The following ADAMTS17 variants were observed in gnomAD, a reference collection of about 807,000 sequenced individuals.
The protein encoded by ADAMTS17 is A disintegrin and metalloproteinase with thrombospondin motifs 17.
A neutral mutation model predicts 141.5 loss-of-function variants in ADAMTS17; 113 were observed. That is an observed-to-expected ratio of 0.80 (90% confidence interval 0.69 to 0.93). The LOEUF (loss-of-function observed/expected upper bound fraction) is 0.93, where lower values mean the gene tolerates loss of function less well. Among genes scored for constraint, ADAMTS17 ranks in the 40% least tolerant of loss-of-function variants. The pLI, the probability that ADAMTS17 is intolerant of heterozygous loss-of-function variation, is 0.00. For missense variants in ADAMTS17, 1,659 were observed against 1,517.9 expected (o/e 1.09, Z -1.54); for synonymous variants, 768 against 630.6 (o/e 1.22, Z -3.27).
chr15:100,158,327 T>G (rs2039531352), intron 8 of ADAMTS17, among the ~76,000 whole-genome samples: 1 of 152,214 alleles, frequency 6.6e-6, no homozygotes, highest in Non-Finnish European at 1.5e-5. Flanking sequence ...AAAAAAATCC[T>G]GTTACAAATA....
At chr15:100,297,664 T>C (rs2044871732) in intron 3 of ADAMTS17, among the ~76,000 whole-genome samples, 1 of 152,114 alleles carries the variant, frequency 6.6e-6, no homozygotes, top group South Asian at 2.1e-4. Flanking sequence ...TCTGGCCTAA[T>C]TGAGTTTCAG....
intron 10 of ADAMTS17, among the ~76,000 whole-genome samples, chr15:100,142,436 G>A (rs920603334): frequency 6.6e-6 from 1 of 152,214 alleles, no homozygotes; most frequent in South Asian, 2.1e-4. Context: ...ACAGGCCCAT[G>A]TGATCTCAGC....
intron 20 of ADAMTS17, among the ~76,000 whole-genome samples, chr15:99,988,053 C>A (rs759196872): frequency 1.1e-4 from 16 of 152,216 alleles, no homozygotes; most frequent in Middle Eastern, 3.4e-3. Flanking sequence ...CAGGCTCAGG[C>A]TCTGGCTGGG....
intron 18 of ADAMTS17, among the ~76,000 whole-genome samples, chr15:100,009,781 T>TA (rs1255920697): frequency 5.3e-5 from 8 of 152,210 alleles, no homozygotes; most frequent in Admixed American, 3.9e-4. Flanking sequence ...ACATTCATCT[T>TA]AATTTTTTTT....
chr15:100,168,731 T>C (rs932104411), intron 8 of ADAMTS17: 7 of 152,194 alleles, frequency 4.6e-5, no homozygotes, highest in African/African-American at 1.4e-4. Context: ...CATCAGAAGG[T>C]CAAGGCAAAT....
intron 15 of ADAMTS17, among the ~76,000 whole-genome samples, chr15:100,066,410 G>A (rs142039249): frequency 1.6e-4 from 24 of 151,654 alleles, no homozygotes; most frequent in African/African-American, 5.8e-4. Flanking sequence ...TTTCATACAT[G>A]TGGTGTTTGC....
intron 3 of ADAMTS17, among the ~76,000 whole-genome samples, chr15:100,296,129 G>A (rs1007940364): frequency 2.6e-5 from 4 of 152,092 alleles, no homozygotes; most frequent in African/African-American, 7.2e-5. Context: ...AAACGTACTC[G>A]AGAAGGAAAC....
chr15:100,154,409 C>T (rs755764326), intron 9 of ADAMTS17, among the ~76,000 whole-genome samples: 4 of 152,180 alleles, frequency 2.6e-5, no homozygotes, highest in Non-Finnish European at 4.4e-5. Context: ...GCACCTTTGC[C>T]ACTACATCCT....
chr15:100,195,598 C>T (rs1209607502), intron 8 of ADAMTS17, among the ~76,000 whole-genome samples: 4 of 146,158 alleles, frequency 2.7e-5, no homozygotes, highest in African/African-American at 1.0e-4. Flanking sequence ...AAATGACTGG[C>T]CCATTGTTTG....
chr15:99,976,152 T>A lies in ADAMTS17; in HGVS notation c.3020A>T (p.His1007Leu), dbSNP rs1375656495. ...CGAGAGGGCGGGGCACTCGCTGCCG[T>A]GGCGCCCTGTGACCTTGTGCATGCA... ...VQCMHKVTGR[H>L]GSECPALSKP... The change falls in exon 21 of 22, where the codon CAC becomes CTC. Residue 1007 changes from histidine to leucine, a missense_variant. His to Leu is a moderately conservative substitution (Grantham distance 99). Coordinates refer to ENST00000268070, the MANE Select transcript of ADAMTS17 (RefSeq NM_139057.4). The A allele has an allele frequency of 9.7e-6, 15 of 1,550,646 alleles. No individual in the cohort carries two copies. The highest frequency in any genetic ancestry group is 1.3e-5 in the Non-Finnish European group (15 of 1,146,982).
chr15:100,069,419 G>A (rs1240158277), intron 15 of ADAMTS17, among the ~76,000 whole-genome samples: 3 of 152,134 alleles, frequency 2.0e-5, no homozygotes, highest in African/African-American at 7.2e-5. Context: ...CTTGAGAAGA[G>A]TAACTCCAAG....
intron 13 of ADAMTS17, among the ~76,000 whole-genome samples, chr15:100,112,825 C>T (rs2036870834): frequency 6.6e-6 from 1 of 152,058 alleles, no homozygotes; most frequent in Non-Finnish European, 1.5e-5. Flanking sequence ...TGGTCACAGG[C>T]AGGGCAGGGA....
Position 100,118,403 on chromosome 15 carries a change from A to G in ADAMTS17, c.1722-1390T>C, listed in dbSNP as rs117064836. Among the ~76,000 whole-genome samples, 678 of 152,328 alleles carry G rather than the reference A, an allele frequency of 4.5e-3. 15 individuals carry two copies. In the East Asian group the frequency reaches 0.065, roughly 15 times the overall value. On this transcript the variant is annotated intron_variant, in intron 12 of 21. Transcript: ENST00000268070. ...TCTGTCTACCTCATATACACTAGAA[A>G]ACAGTTCCCTCCCCCAGGAGAAGAA...
chr15:100,072,220 A>G lies in ADAMTS17; in HGVS notation c.2138-18166T>C, dbSNP rs1452456774. On this transcript the variant is annotated intron_variant, in intron 15 of 21. Coordinates refer to ENST00000268070, the MANE Select transcript of ADAMTS17 (RefSeq NM_139057.4). ...ACAAGGGATGTGAAGGACCTCTTCA[A>G]GGAGAACTACAAACCACTGCTCAAT... is the stretch of plus-strand genomic sequence containing the variant. Among the ~76,000 whole-genome samples the G allele has an allele frequency of 1.9e-4, 28 of 148,598 alleles. 1 individual carries two copies. Among genetic ancestry groups the G allele is most frequent in the Admixed American group, 8.8e-4 (13 of 14,824 alleles).
chr15:100,110,985 G>C (rs2036741699), intron 13 of ADAMTS17, among the ~76,000 whole-genome samples: 6 of 152,200 alleles, frequency 3.9e-5, no homozygotes, highest in Admixed American at 3.3e-4. Flanking sequence ...AGGAAATCTT[G>C]TCTTACAGCG....
At position 99,974,249 on chromosome 15, in the gene ADAMTS17, G is replaced by C; in HGVS notation, c.*153C>G. 2.2e-6 allele frequency: 2 copies of C among 909,712 alleles called. No homozygotes were observed. The highest frequency in any genetic ancestry group is 2.0e-5 in the Admixed American group (1 of 50,242). The allele number at this position is 909,712 out of a possible 1,614,324, so 56.4% of individuals were successfully genotyped here. ...TGTTAACAATATATTAAGTACGGAA[G>C]CACTAATGGCAAACGCCAAGTCCAC... is the stretch of plus-strand genomic sequence containing the variant. On this transcript the variant is annotated 3_prime_UTR_variant, in exon 22 of 22. Transcript: ENST00000268070.
chr15:100,336,713 G>A (rs1396598879), intron 2 of ADAMTS17, among the ~76,000 whole-genome samples: 1 of 152,170 alleles, frequency 6.6e-6, no homozygotes, highest in African/African-American at 2.4e-5. Context: ...TCTCCATCGA[G>A]TAGGCTGCAT....
At chr15:100,161,290 A>C (rs2039682626) in intron 8 of ADAMTS17, among the ~76,000 whole-genome samples, 1 of 151,998 alleles carries the variant, frequency 6.6e-6, no homozygotes, top group Non-Finnish European at 1.5e-5. Context: ...AACCTCTGCC[A>C]CTCTGGAAGC....
chr15:100,296,605 A>G (rs201134485), intron 3 of ADAMTS17, among the ~76,000 whole-genome samples: 506 of 139,984 alleles, frequency 3.6e-3, no homozygotes, highest in African/African-American at 0.012. Context: ...GTGTGTGTGT[A>G]TGTGTGTGTG....
Sources: allele counts gnomAD v4.1 joint callset (sites outside exome capture counted in the v4.1 genomes callset), GRCh38; gene constraint gnomAD v4.1.1; transcripts MANE v1.5; gene names NCBI Gene and HGNC (gene_info 2026-07-23, HGNC 2026-07-21).